B3GALT1: variants seen among roughly 807,000 people sequenced by gnomAD.
B3GALT1 encodes the protein beta-1,3-galactosyltransferase 1, also known as UDP-Gal:betaGlcNAc beta 1,3-galactosyltransferase, polypeptide 1.
Under a neutral mutation model 23.2 loss-of-function variants are expected in B3GALT1, and 10 were observed. That is an observed-to-expected ratio of 0.43 (90% CI 0.27 to 0.73). The LOEUF is 0.73. Ranked by LOEUF, B3GALT1 falls within the 30% of genes least tolerant of loss-of-function variation. The pLI, the probability that B3GALT1 is intolerant of heterozygous loss-of-function variation, is 0.21. For missense variants in B3GALT1, 299 were observed against 405.4 expected, an observed-to-expected ratio of 0.74 and a Z score of 2.25; for synonymous variants, 156 against 141.5, an observed-to-expected ratio of 1.10 and a Z score of -0.73.
At chr2:167,751,677 G>A (rs7590344) in intron 3 of B3GALT1, among the ~76,000 whole-genome samples, 6,296 of 152,254 alleles carry the variant, frequency 0.041, 465 homozygotes, top group African/African-American at 0.14. Context: ...CAGTGGAGGT[G>A]AGGGAGTGGT....
intron 4 of B3GALT1, among the ~76,000 whole-genome samples, chr2:167,825,953 CA>C (rs1689215794): frequency 6.6e-6 from 1 of 152,196 alleles, no homozygotes; most frequent in South Asian, 2.1e-4. Flanking sequence ...GCAAATGTTA[CA>C]AATGTTTTCC....
intron 3 of B3GALT1, among the ~76,000 whole-genome samples, chr2:167,759,586 C>T (rs1285719374): frequency 6.6e-6 from 1 of 152,058 alleles, no homozygotes; most frequent in African/African-American, 2.4e-5. Context: ...AAAATGAGGG[C>T]CAGAGAAGCC....
rs1685756944 is a variant in B3GALT1, at chr2:167,646,913, C to G, written c.-405C>G. Among the ~76,000 whole-genome samples, 3 of 152,086 alleles carry G rather than the reference C, an allele frequency of 2.0e-5. No homozygotes were observed. The highest frequency in any genetic ancestry group is 4.4e-5 in the Non-Finnish European group (3 of 68,022). ...TTTTTTCTTCTCTTGAAAAAGTTCTCTTGCTGTGCTGCTGGGTCCTCAGAA... is the reference window on the plus strand; with the variant it reads ...TTTTTTCTTCTCTTGAAAAAGTTCTGTTGCTGTGCTGCTGGGTCCTCAGAA... On this transcript the variant is annotated 5_prime_UTR_variant, in exon 3 of 5. Coordinates refer to ENST00000392690, the MANE Select transcript of B3GALT1 (RefSeq NM_020981.4).
chr2:167,612,387 T>TATTATTATTATTATC (rs1427083921), intron 2 of B3GALT1, among the ~76,000 whole-genome samples: 6 of 150,178 alleles, frequency 4.0e-5, no homozygotes, highest in African/African-American at 1.5e-4. Context: ...TTATTATTAT[T>TATTATTATTATTATC]ATTATTATTT....
chr2:167,579,438 T>TTTTTTTC (rs1308233479), intron 2 of B3GALT1, among the ~76,000 whole-genome samples: 1 of 145,428 alleles, frequency 6.9e-6, no homozygotes, highest in Non-Finnish European at 1.5e-5. Context: ...TTGTCTTTTT[T>TTTTTTTC]TTTTTTTTTC....
chr2:167,652,369 G>A (rs949615825), intron 3 of B3GALT1, among the ~76,000 whole-genome samples: 4 of 152,174 alleles, frequency 2.6e-5, no homozygotes, highest in African/African-American at 9.6e-5. Context: ...CTATCCCACT[G>A]TGACATTTTG....
At chr2:167,495,178 C>G (rs1699764546) in intron 2 of B3GALT1, among the ~76,000 whole-genome samples, 1 of 152,062 alleles carries the variant, frequency 6.6e-6, no homozygotes, top group Non-Finnish European at 1.5e-5. Flanking sequence ...GCATTGGTGG[C>G]AGACGTAGGA....
intron 1 of B3GALT1, among the ~76,000 whole-genome samples, chr2:167,471,060 C>G (rs776563854): frequency 7.9e-5 from 12 of 152,108 alleles, no homozygotes; most frequent in Non-Finnish European, 1.3e-4. Flanking sequence ...CTCCTTCATC[C>G]TGTCTGATGG....
chr2:167,720,058 G>A (rs1287675801), intron 3 of B3GALT1, among the ~76,000 whole-genome samples: 2 of 152,132 alleles, frequency 1.3e-5, no homozygotes, highest in Non-Finnish European at 2.9e-5. Context: ...AAACTAGTGT[G>A]TGGTTTCCTT....
chr2:167,756,275 A>G lies in B3GALT1; in HGVS notation c.-351-62397A>G, dbSNP rs552775350. ...TATGCGTTAGGTTTTGAGGTAGCCA[A>G]TATGAAGGCAATGAGACCACCCATA... On this transcript the variant is annotated intron_variant, in intron 3 of 4. Transcript: ENST00000392690. Among the ~76,000 whole-genome samples, 10 of 152,244 alleles carry G rather than the reference A, an allele frequency of 6.6e-5. No individual in the cohort carries two copies. In the South Asian group the frequency reaches 2.1e-3, roughly 32 times the overall value.
chr2:167,395,728 AT>A (rs1363664253), intron 1 of B3GALT1, among the ~76,000 whole-genome samples: 1 of 152,148 alleles, frequency 6.6e-6, no homozygotes, highest in African/African-American at 2.4e-5. Flanking sequence ...ATAATGATGA[AT>A]TCTGGTAGAA....
chr2:167,310,057 AT>A (rs961038134), intron 1 of B3GALT1, among the ~76,000 whole-genome samples: 28 of 152,108 alleles, frequency 1.8e-4, no homozygotes, highest in Non-Finnish European at 3.7e-4. Flanking sequence ...GTTACAATTA[AT>A]TTTTTACACA....
intron 2 of B3GALT1, among the ~76,000 whole-genome samples, chr2:167,561,503 T>C (rs574911398): frequency 8.6e-5 from 13 of 151,706 alleles, no homozygotes; most frequent in South Asian, 6.3e-4. Flanking sequence ...TTCAAAAAAT[T>C]AATGAATCCA....
intron 3 of B3GALT1, chr2:167,713,530 T>C (rs1468895643): frequency 2.3e-5 from 15 of 650,206 alleles, no homozygotes; most frequent in Non-Finnish European, 3.7e-5. Flanking sequence ...TACAAAATAC[T>C]GTCCTGAGAA....
chr2:167,353,432 AT>A lies in B3GALT1; in HGVS notation c.-511+60108del, dbSNP rs368337281. 4.7e-3 allele frequency among the ~76,000 whole-genome samples: 703 copies of A among 148,660 alleles called. 9 individuals carry two copies. Among genetic ancestry groups the A allele is most frequent in the African/African-American group, 0.016 (655 of 40,474 alleles). ...TTGCCAGAAGTTGAACCTTAGTGGT[AT>A]TTTTTTTTTCAGTAATCACTTTTTT... On this transcript the variant is annotated intron_variant, in intron 1 of 4. Transcript: ENST00000392690.
At chr2:167,358,561 GTAA>G (rs1233280881) in intron 1 of B3GALT1, among the ~76,000 whole-genome samples, 1 of 151,798 alleles carries the variant, frequency 6.6e-6, no homozygotes, top group Non-Finnish European at 1.5e-5. Context: ...CTTTTTTTTA[GTAA>G]TAATGACTAT....
chr2:167,787,900 C>A (rs909171520), intron 3 of B3GALT1, among the ~76,000 whole-genome samples: 4 of 152,228 alleles, frequency 2.6e-5, no homozygotes, highest in African/African-American at 7.2e-5. Flanking sequence ...AGAGAGGAGA[C>A]CTTGAACGTG....
At chr2:167,738,630 C>T (rs992784504) in intron 3 of B3GALT1, among the ~76,000 whole-genome samples, 5 of 151,912 alleles carry the variant, frequency 3.3e-5, no homozygotes, top group African/African-American at 1.2e-4. Context: ...CACAAACAAA[C>T]AAAAAAATAC....
At chr2:167,469,487 C>T (rs910392249) in intron 1 of B3GALT1, among the ~76,000 whole-genome samples, 2 of 152,052 alleles carry the variant, frequency 1.3e-5, no homozygotes, top group African/African-American at 4.8e-5. Flanking sequence ...TGGTTTTATT[C>T]ACTTATATTG....
Sources: allele counts gnomAD v4.1 joint callset (sites outside exome capture counted in the v4.1 genomes callset), GRCh38; gene constraint gnomAD v4.1.1; transcripts MANE v1.5; gene names NCBI Gene and HGNC (gene_info 2026-07-23, HGNC 2026-07-21).